Variants in IGSF10 observed in about 807,000 individuals in gnomAD.
The protein encoded by IGSF10 is immunoglobulin superfamily member 10, also known as calvaria mechanical force protein 608.
Under a neutral mutation model 128.2 loss-of-function variants are expected in IGSF10, and 126 were observed. That is an observed-to-expected ratio of 0.98 (90% CI 0.85 to 1.14). The LOEUF (loss-of-function observed/expected upper bound fraction) is 1.14, where lower values mean the gene tolerates loss of function less well. Ranked by LOEUF, IGSF10 falls within the 50% of genes most tolerant of loss-of-function variation. IGSF10 has a pLI of 0.00. For synonymous variants in IGSF10, 1,185 were observed against 1,146.2 expected (o/e 1.03, Z -0.68); for missense variants, 3,295 against 3,149.8 (o/e 1.05, Z -1.10).
At chr3:151,523,263 T>C in the IGSF10 span, among the ~76,000 whole-genome samples, 2 of 152,194 alleles carry the variant, frequency 1.3e-5, no homozygotes, top group African/African-American at 2.4e-5. Flanking sequence ...ATAGGTTCAA[T>C]GCTATTCCTA....
the IGSF10 span, among the ~76,000 whole-genome samples, chr3:151,503,339 A>G: frequency 6.0e-4 from 91 of 152,220 alleles, no homozygotes; most frequent in Non-Finnish European, 1.0e-4. Flanking sequence ...GTCACAGACA[A>G]TAAGTTAACT....
At chr3:151,544,407 T>A in the IGSF10 span, among the ~76,000 whole-genome samples, 3 of 149,698 alleles carry the variant, frequency 2.0e-5, no homozygotes, top group Non-Finnish European at 4.5e-5. Context: ...CCTCACATCT[T>A]TCTTTTGGTA....
At chr3:151,524,867 AT>A in the IGSF10 span, among the ~76,000 whole-genome samples, 1 of 151,716 alleles carries the variant, frequency 6.6e-6, no homozygotes, top group Non-Finnish European at 1.5e-5. Context: ...GTGGATTTTG[AT>A]TTTTTCCTTC....
At chr3:151,497,653 A>G in the IGSF10 span, among the ~76,000 whole-genome samples, 1 of 152,132 alleles carries the variant, frequency 6.6e-6, no homozygotes, top group African/African-American at 2.4e-5. Context: ...TGACTTGGTG[A>G]TGTGGGTTCT....
At chr3:151,490,932 A>G in the IGSF10 span, among the ~76,000 whole-genome samples, 1 of 152,136 alleles carries the variant, frequency 6.6e-6, no homozygotes, top group Non-Finnish European at 1.5e-5. Flanking sequence ...TTCCAAATAA[A>G]TAGTAAAAGA....
At chr3:151,441,978 G>A (rs929191625) in intron 7 of IGSF10, among the ~76,000 whole-genome samples, 2 of 152,296 alleles carry the variant, frequency 1.3e-5, no homozygotes, top group African/African-American at 4.8e-5. Flanking sequence ...GGAGAATGGC[G>A]TGAACCTGGG....
At chr3:151,481,579 C>T in the IGSF10 span, among the ~76,000 whole-genome samples, 3 of 152,102 alleles carry the variant, frequency 2.0e-5, no homozygotes, top group African/African-American at 2.4e-5. Context: ...TCAGAGCAAC[C>T]GACCCTGGCT....
chr3:151,509,592 C>T, the IGSF10 span, among the ~76,000 whole-genome samples: 2 of 152,210 alleles, frequency 1.3e-5, no homozygotes, highest in African/African-American at 2.4e-5. Flanking sequence ...AACTGAGGTA[C>T]CGGGTTCATC....
Position 151,461,060 on chromosome 3 carries a change from A to C in IGSF10, c.-203T>G. 2.0e-6 allele frequency: 2 copies of C among 985,332 alleles called. No individual in the cohort carries two copies. The highest frequency in any genetic ancestry group is 2.4e-6 in the Non-Finnish European group (2 of 829,882). The allele number at this position is 985,332 out of a possible 1,614,324, so 61.0% of individuals were successfully genotyped here. A position where few individuals can be genotyped will look rare whatever the true frequency, so the allele number is the denominator to read the frequency against. ...GGTCCGGAGCTCTGGGAGGGAAGGAAGGAAGGCGGAGCGAGGGCGGGGGAT... is the reference window on the plus strand; with the variant it reads ...GGTCCGGAGCTCTGGGAGGGAAGGACGGAAGGCGGAGCGAGGGCGGGGGAT... On this transcript the variant is annotated 5_prime_UTR_variant, in exon 1 of 8. Transcript: ENST00000282466.
At chr3:151,580,483 T>C in the IGSF10 span, among the ~76,000 whole-genome samples, 1 of 152,214 alleles carries the variant, frequency 6.6e-6, no homozygotes, top group African/African-American at 2.4e-5. Flanking sequence ...TTTACAAAAT[T>C]AGTAGCAATG....
downstream of IGSF10, chr3:151,432,624 T>G: frequency 1.5e-6 from 1 of 684,080 alleles, no homozygotes; most frequent in South Asian, 1.9e-5. Flanking sequence ...AGGGCAAGGA[T>G]AGTACTCTCC....
the IGSF10 span, among the ~76,000 whole-genome samples, chr3:151,545,986 G>A: frequency 1.3e-5 from 2 of 149,766 alleles, no homozygotes; most frequent in South Asian, 2.1e-4. Context: ...TTTTTAAAGG[G>A]TTGTAAAACA....
rs142039752 is a variant in IGSF10, at chr3:151,447,554, C to T, written c.2427G>A (p.Pro809=). 793 of 1,614,050 alleles carry T rather than the reference C, an allele frequency of 4.9e-4. 2 individuals carry two copies. Among genetic ancestry groups the T allele is most frequent in the Middle Eastern group, 2.3e-3 (14 of 6,062 alleles). The change falls in exon 6 of 8, where the codon CCG becomes CCA. Residue 809 remains proline (P), a synonymous_variant. Transcript: ENST00000282466. ...CTGGAAGGTTCAAAGCTTTAGTGGC[C>T]GGGACCATAAATTCCTCATGTAGAG... The part of the protein sequence containing the change: ...MLALHEEFMV[P]ATKALNLPAR...
At chr3:151,472,278 T>C in the IGSF10 span, among the ~76,000 whole-genome samples, 1 of 152,196 alleles carries the variant, frequency 6.6e-6, no homozygotes. Flanking sequence ...ATCAGTATAT[T>C]CTTGCAATAG....
rs1356586003 is a variant in IGSF10, at chr3:151,443,454, C to T, written c.5493G>A (p.Leu1831=). The T allele has an allele frequency of 6.2e-7, 1 of 1,614,236 alleles. No individual in the cohort carries two copies. Among genetic ancestry groups the T allele is most frequent in the Non-Finnish European group, 8.5e-7 (1 of 1,180,048 alleles). Reference sequence around the variant, plus strand: ...CTGCAATGACTTGTATTTTAACCAGCAGTGAATCCTGGCCACCTGGGTTGC... The same window carrying T: ...CTGCAATGACTTGTATTTTAACCAGTAGTGAATCCTGGCCACCTGGGTTGC... ...VASNPGGQDS[L]LVKIQVIAAP... Residue 1831 remains leucine (L), a synonymous_variant, in exon 7 of 8, where the codon CTG becomes CTA. Transcript: ENST00000282466.
At position 151,436,846 on chromosome 3, in the gene IGSF10, G is replaced by C. The variant is rs200898424; in HGVS notation, c.7715C>G (p.Thr2572Arg). 2.4e-5 allele frequency: 39 copies of C among 1,613,984 alleles called. No homozygotes were observed. Among genetic ancestry groups the C allele is most frequent in the Non-Finnish European group, 3.1e-5 (36 of 1,180,020 alleles). Residue 2572 changes from threonine to arginine, a missense_variant, in exon 8 of 8, where the codon ACG becomes AGG. By Grantham distance (71) the Thr-to-Arg change is moderately conservative. Transcript: ENST00000282466. ...TCCATGTGTCCTCTCTTTACTTGCCGTTGAGAGAAGGGAGTGGTCAGGCAT... is the reference window on the plus strand; with the variant it reads ...TCCATGTGTCCTCTCTTTACTTGCCCTTGAGAGAAGGGAGTGGTCAGGCAT... Reference protein sequence around the residue: ...WEMPDHSLLSTASKERTHGSE... With the variant: ...WEMPDHSLLSRASKERTHGSE...
Position 151,446,301 on chromosome 3 carries a change from A to T in IGSF10, c.3680T>A (p.Leu1227Ter). 6.2e-7 allele frequency: 1 copy of T among 1,614,022 alleles called. No homozygotes were observed. Among genetic ancestry groups the T allele is most frequent in the South Asian group, 1.1e-5 (1 of 91,072 alleles). The change falls in exon 6 of 8, where the codon TTA (leucine) becomes TAA (stop). Residue 1227 changes from leucine to a stop codon, truncating the protein, a stop_gained. Coordinates refer to ENST00000282466, the MANE Select transcript of IGSF10 (RefSeq NM_178822.5). LOFTEE classifies it high-confidence loss of function. ...AAGCATCACAGCTGTGCTTTTTTGT[A>T]AACTAACTTTATGTTGATTCCTTAA... ...GRLRNQHKVS[L>*]QKSTAVMLPK... is the part of the protein sequence containing the mutation.
the IGSF10 span, among the ~76,000 whole-genome samples, chr3:151,510,899 A>T: frequency 6.6e-6 from 1 of 152,204 alleles, no homozygotes; most frequent in African/African-American, 2.4e-5. Flanking sequence ...TGAAGCATGA[A>T]GAGAAGTTTA....
the IGSF10 span, among the ~76,000 whole-genome samples, chr3:151,592,646 C>T: frequency 0.015 from 2,317 of 152,292 alleles, 19 homozygotes; most frequent in South Asian, 0.058. Context: ...ACTGCAAATA[C>T]AACCCTGAGA....
Sources: gnomAD v4.1 joint callset for allele counts (sites outside exome capture counted in the v4.1 genomes callset) on GRCh38, gnomAD v4.1.1 for gene constraint, MANE v1.5 for transcripts, NCBI Gene and HGNC (gene_info 2026-07-23, HGNC 2026-07-21) for gene names.